The following NHERF4 variants were observed in gnomAD, a reference collection of about 807,000 sequenced individuals.
NHERF4 encodes the protein Na(+)/H(+) exchange regulatory cofactor NHE-RF4.
the NHERF4 span, chr11:119,185,747 G>T: frequency 1.2e-6 from 1 of 869,484 alleles, no homozygotes; most frequent in Non-Finnish European, 1.9e-6. Context: ...GGAGGGGACC[G>T]CACAATAGTC....
At chr11:119,187,494 G>A in the NHERF4 span, 1 of 1,613,520 alleles carries the variant, frequency 6.2e-7, no homozygotes. Context: ...CGGCAAGGAT[G>A]AGGGATCTCA....
At chr11:119,188,348 G>A in the NHERF4 span, 2 of 1,613,692 alleles carry the variant, frequency 1.2e-6, no homozygotes, top group Non-Finnish European at 1.7e-6. Context: ...GGATGTCTAT[G>A]CCCCAGGACA....
At chr11:119,187,487 C>T in the NHERF4 span, 116 of 1,612,962 alleles carry the variant, frequency 7.2e-5, no homozygotes, top group Admixed American at 3.5e-4. Flanking sequence ...GAGGGGGCGG[C>T]AAGGATGAGG....
chr11:119,188,024 G>GC, the NHERF4 span: 13 of 1,560,068 alleles, frequency 8.3e-6, no homozygotes, highest in Non-Finnish European at 1.1e-5. Flanking sequence ...ATTGCCCCTG[G>GC]CTGCACCCCT....
the NHERF4 span, chr11:119,189,428 C>T: frequency 1.2e-6 from 2 of 1,613,028 alleles, no homozygotes; most frequent in Admixed American, 3.3e-5. This position sits in a 1 kb window ranked among gnomAD's most constrained non-coding sequence, Gnocchi z 5.8. Flanking sequence ...CTGGGTCCCA[C>T]CTGGAATGAC....
chr11:119,187,908 T>C, the NHERF4 span: 10 of 1,518,310 alleles, frequency 6.6e-6, no homozygotes, highest in African/African-American at 1.2e-4. Flanking sequence ...CCTGCCCAGG[T>C]GTTATACTGA....
the NHERF4 span, chr11:119,185,597 A>G: frequency 2.5e-5 from 34 of 1,340,622 alleles, no homozygotes; most frequent in South Asian, 3.9e-4. Flanking sequence ...ACCAGGGCAC[A>G]CTTGATTTTG....
At chr11:119,186,716 G>A in the NHERF4 span, 3 of 1,567,342 alleles carry the variant, frequency 1.9e-6, no homozygotes, top group Non-Finnish European at 2.6e-6. The surrounding 1 kb of genome is among the most constrained non-coding windows in gnomAD (Gnocchi z 4.4). Flanking sequence ...AGGAGAGCAT[G>A]CTAGCACCTC....
At chr11:119,185,772 G>T in the NHERF4 span, 1 of 1,001,326 alleles carries the variant, frequency 1.0e-6, no homozygotes, top group Non-Finnish European at 1.5e-6. Context: ...GTGTATGGCA[G>T]TGAGAAGAGA....
At chr11:119,187,287 G>A in the NHERF4 span, 1 of 1,606,382 alleles carries the variant, frequency 6.2e-7, no homozygotes, top group South Asian at 1.1e-5. Context: ...GCCGCATCCG[G>A]GCCAGCAGCC....
At chr11:119,186,246 C>T in the NHERF4 span, 2 of 1,613,816 alleles carry the variant, frequency 1.2e-6, no homozygotes, top group Admixed American at 3.3e-5. The surrounding 1 kb of genome is among the most constrained non-coding windows in gnomAD (Gnocchi z 4.4). Flanking sequence ...TCCTTGGTAA[C>T]CACTCACTCG....
chr11:119,190,062 C>G, the NHERF4 span: 1 of 504,566 alleles, frequency 2.0e-6, no homozygotes, highest in East Asian at 3.2e-5. This position sits in a 1 kb window ranked among gnomAD's most constrained non-coding sequence, Gnocchi z 4.2. Flanking sequence ...AGGTTGAGAC[C>G]TGGTCAAATT....
At chr11:119,189,516 T>C in the NHERF4 span, 3 of 1,612,536 alleles carry the variant, frequency 1.9e-6, no homozygotes, top group South Asian at 3.3e-5. The surrounding 1 kb of genome is among the most constrained non-coding windows in gnomAD (Gnocchi z 5.8). Flanking sequence ...GGTACAGACA[T>C]ACTCAGGGGC....
the NHERF4 span, chr11:119,186,224 C>A: frequency 1.2e-6 from 2 of 1,614,126 alleles, no homozygotes; most frequent in Non-Finnish European, 1.7e-6. The surrounding 1 kb of genome is among the most constrained non-coding windows in gnomAD (Gnocchi z 4.4). Flanking sequence ...CGGCTCCACA[C>A]GGCCTCCGAT....
the NHERF4 span, chr11:119,188,795 C>T: frequency 6.2e-7 from 1 of 1,614,210 alleles, no homozygotes; most frequent in Non-Finnish European, 8.5e-7. Flanking sequence ...GCTTCCTGTA[C>T]CCTGGGCCTG....
the NHERF4 span, chr11:119,188,511 T>TCACTG: frequency 6.2e-7 from 1 of 1,604,282 alleles, no homozygotes; most frequent in Admixed American, 1.7e-5. Context: ...TGTGTCTCCC[T>TCACTG]CACTGTCGTC....
At chr11:119,186,513 A>C in the NHERF4 span, 1 of 1,614,148 alleles carries the variant, frequency 6.2e-7, no homozygotes, top group Non-Finnish European at 8.5e-7. This position sits in a 1 kb window ranked among gnomAD's most constrained non-coding sequence, Gnocchi z 4.4. Context: ...GCTTCTGTTT[A>C]CTGAGCAAAG....
At chr11:119,187,695 A>G in the NHERF4 span, 1 of 1,507,810 alleles carries the variant, frequency 6.6e-7, no homozygotes, top group Admixed American at 2.4e-5. Context: ...CCAACTCACC[A>G]GGAAGGTGTG....
chr11:119,187,944 G>C, the NHERF4 span: 1 of 1,561,162 alleles, frequency 6.4e-7, no homozygotes, highest in Non-Finnish European at 8.7e-7. Flanking sequence ...CCACAGCTTT[G>C]GCAGAGTGGA....
Sources: allele counts gnomAD v4.1 joint callset, GRCh38; gene constraint gnomAD v4.1.1; non-coding constraint Gnocchi (gnomAD v3.1); transcripts MANE v1.5; gene names NCBI Gene and HGNC (gene_info 2026-07-23, HGNC 2026-07-21).